The following PLB1 variants were observed in gnomAD, a reference collection of about 807,000 sequenced individuals.
PLB1 encodes phospholipase B1, membrane-associated.
PLB1 carries 242 observed loss-of-function variants against 227.4 expected under a neutral mutation model. That is an observed-to-expected ratio of 1.06 (90% CI 0.96 to 1.18). The LOEUF (loss-of-function observed/expected upper bound fraction) is 1.18. Ranked by LOEUF, PLB1 falls within the 50% of genes most tolerant of loss-of-function variation. The pLI is 0.00. For synonymous variants in PLB1, 757 were observed against 682.2 expected (o/e 1.11, Z -1.71); for missense variants, 1,858 against 1,816.3 (o/e 1.02, Z -0.42).
chr2:28,590,127 G>C (rs1681648637), intron 29 of PLB1, 51 bp downstream of exon 29: 1 of 1,478,850 alleles, frequency 6.8e-7, no homozygotes, highest in Non-Finnish European at 9.5e-7. Context: ...GGGCTTCTTG[G>C]CTCATTTCAT....
chr2:28,602,027 G>A, intron 38 of PLB1, 63 bp downstream of exon 38: 1 of 1,403,340 alleles, frequency 7.1e-7, no homozygotes, highest in South Asian at 1.1e-5. Flanking sequence ...AGGTGGATGG[G>A]GGGAAAGAAT....
intron 2 of PLB1, among the ~76,000 whole-genome samples, chr2:28,518,069 A>G (rs1044476524): frequency 1.3e-5 from 2 of 152,044 alleles, no homozygotes; most frequent in Non-Finnish European, 2.9e-5. Flanking sequence ...TTTAGTAGAG[A>G]CAAAATTTCG....
At chr2:28,540,854 C>T (rs1261505853) in intron 12 of PLB1, among the ~76,000 whole-genome samples, 1 of 152,162 alleles carries the variant, frequency 6.6e-6, no homozygotes, top group African/African-American at 2.4e-5. Context: ...ATGCACATTG[C>T]AGTTCACAGA....
intron 21 of PLB1, among the ~76,000 whole-genome samples, chr2:28,577,439 C>G (rs1205772254): frequency 6.6e-6 from 1 of 152,184 alleles, no homozygotes; most frequent in Non-Finnish European, 1.5e-5. Context: ...ATGGGTGGTG[C>G]CATGACATGT....
chr2:28,513,714 C>T (rs1025361736), intron 1 of PLB1, among the ~76,000 whole-genome samples: 4 of 152,124 alleles, frequency 2.6e-5, no homozygotes, highest in African/African-American at 7.2e-5. Flanking sequence ...TAACAGAATG[C>T]GGGAGTGCAG....
intron 16 of PLB1, among the ~76,000 whole-genome samples, chr2:28,551,526 C>A (rs140416343): frequency 1.1e-4 from 17 of 152,318 alleles, no homozygotes; most frequent in African/African-American, 3.6e-4. Flanking sequence ...TCCACCCTGA[C>A]AGACACAGTG....
chr2:28,635,694 CT>C (rs1689211826), intron 56 of PLB1, among the ~76,000 whole-genome samples: 2 of 150,224 alleles, frequency 1.3e-5, no homozygotes, highest in Admixed American at 1.3e-4. Flanking sequence ...CTTCTCGAGA[CT>C]TTTGCAAAGG....
intron 17 of PLB1, among the ~76,000 whole-genome samples, chr2:28,560,994 C>G (rs994430827): frequency 2.5e-4 from 38 of 152,362 alleles, no homozygotes; most frequent in African/African-American, 7.7e-4. Context: ...CTCGCTCTCC[C>G]TCATCCTCCT....
rs187163640 is a variant in PLB1, at chr2:28,640,133, C to G, written c.4099-794C>G. 2.2e-3 allele frequency among the ~76,000 whole-genome samples: 331 copies of G among 152,324 alleles called. 1 individual carries two copies. Among genetic ancestry groups the G allele is most frequent in the Non-Finnish European group, 3.6e-3 (246 of 68,036 alleles). On this transcript the variant is annotated intron_variant, in intron 56 of 57. Coordinates refer to ENST00000327757, the MANE Select transcript of PLB1 (RefSeq NM_153021.5). ...TCAGATAGTGAACTTTCACCTCCCT[C>G]CCTGGCAATACCCTGTGGTCAGGAG...
At chr2:28,586,565 G>C (rs1014158142) in intron 26 of PLB1, among the ~76,000 whole-genome samples, 1 of 152,080 alleles carries the variant, frequency 6.6e-6, no homozygotes, top group African/African-American at 2.4e-5. Context: ...ATCCTTCCAG[G>C]AGTCCCTGGA....
chr2:28,559,668 G>T (rs1221110567), intron 17 of PLB1, among the ~76,000 whole-genome samples: 1 of 150,196 alleles, frequency 6.7e-6, no homozygotes, highest in Admixed American at 6.6e-5. Flanking sequence ...GATGTTGATG[G>T]GTGCTGTGGG....
Position 28,539,045 on chromosome 2 carries a change from G to A in PLB1, c.619-54G>A, listed in dbSNP as rs185219831. ...CCCAAGCAGGAGTTCCAGAAAGCCC[G>A]GCAGCCATGGCGACTTGGCAAATAC... is the stretch of plus-strand genomic sequence containing the variant. On this transcript the variant is annotated intron_variant, in intron 10 of 57. Transcript: ENST00000327757. 9,619 of 1,457,450 alleles carry A rather than the reference G, an allele frequency of 6.6e-3. 67 individuals are homozygous for A. Among genetic ancestry groups the A allele is most frequent in the Middle Eastern group, 0.02 (113 of 5,732 alleles). The allele number at this position is 1,457,450 out of a possible 1,614,324, so 90.3% of individuals were successfully genotyped here.
chr2:28,601,450 G>A (rs1683874037), intron 37 of PLB1, 118 bp downstream of exon 37: 1 of 736,218 alleles, frequency 1.4e-6, no homozygotes, highest in Non-Finnish European at 2.4e-6. Flanking sequence ...CTACACCTAT[G>A]TCTGCACATA....
chr2:28,554,535 T>C (rs905539611), intron 17 of PLB1, among the ~76,000 whole-genome samples: 2 of 138,782 alleles, frequency 1.4e-5, no homozygotes, highest in African/African-American at 2.7e-5. Flanking sequence ...TGGGGTCTTA[T>C]TGTTGCCCAG....
At chr2:28,525,647 G>A (rs934149611) in intron 5 of PLB1, among the ~76,000 whole-genome samples, 1 of 152,116 alleles carries the variant, frequency 6.6e-6, no homozygotes, top group Non-Finnish European at 1.5e-5. Context: ...TCTACCCTGG[G>A]GTCAGTTTCC....
chr2:28,600,264 C>G (rs911151812), intron 35 of PLB1, among the ~76,000 whole-genome samples: 1 of 152,022 alleles, frequency 6.6e-6, no homozygotes, highest in Non-Finnish European at 1.5e-5. Context: ...TTCCCTACCT[C>G]TTTTTGAAAG....
chr2:28,581,486 A>AAAATAAATAAAT (rs565442462), intron 23 of PLB1, among the ~76,000 whole-genome samples: 3 of 111,160 alleles, frequency 2.7e-5, no homozygotes, highest in African/African-American at 4.2e-5. Context: ...TCCACGCAAA[A>AAAATAAATAAAT]AAATAAATAA....
intron 17 of PLB1, among the ~76,000 whole-genome samples, chr2:28,558,033 C>T (rs933298201): frequency 5.3e-5 from 8 of 152,174 alleles, no homozygotes; most frequent in African/African-American, 1.9e-4. Context: ...CCACCCCCAC[C>T]ATAATCAACC....
Position 28,540,122 on chromosome 2 carries a change from C to T in PLB1, c.699-244C>T, listed in dbSNP as rs1166064412. ...TCCCATATCGACCCCCTAGGAAGAA[C>T]GTCCCTCCATCCAATACCCACCCCC... On this transcript the variant is annotated intron_variant, in intron 11 of 57. Coordinates refer to ENST00000327757, the MANE Select transcript of PLB1 (RefSeq NM_153021.5). Among the ~76,000 whole-genome samples, 5 of 148,268 alleles carry T rather than the reference C, an allele frequency of 3.4e-5. No individual in the cohort carries two copies. The Admixed American group carries it at 3.4e-4, about 10-fold the overall frequency.
Sources: gnomAD v4.1 joint callset for allele counts (sites outside exome capture counted in the v4.1 genomes callset) on GRCh38, gnomAD v4.1.1 for gene constraint, MANE v1.5 for transcripts, NCBI Gene and HGNC (gene_info 2026-07-23, HGNC 2026-07-21) for gene names.